Variants in RELN observed in about 807,000 individuals in gnomAD.
RELN encodes the protein reelin.
Under a neutral mutation model 427.6 loss-of-function variants are expected in RELN, and 108 were observed. That is an observed-to-expected ratio of 0.25 (90% CI 0.22 to 0.30). RELN has a LOEUF of 0.30. RELN is among the 10% of genes least tolerant of loss of function. The pLI is 1.00. For synonymous variants in RELN, 1,524 were observed against 1,513.4 expected, an observed-to-expected ratio of 1.01 and a Z score of -0.16; for missense variants, 3,715 against 4,302.8, an observed-to-expected ratio of 0.86 and a Z score of 3.82.
intron 41 of RELN, 53 bp downstream of exon 41, chr7:103,551,014 G>A (rs1412151502): frequency 3.1e-5 from 45 of 1,450,812 alleles, no homozygotes; most frequent in Non-Finnish European, 4.2e-5. Context: ...GATGACTTCA[G>A]GAATAAACTG....
intron 63 of RELN, among the ~76,000 whole-genome samples, chr7:103,480,331 G>A (rs11489602): frequency 0.015 from 2,288 of 152,188 alleles, 70 homozygotes; most frequent in African/African-American, 0.053. Flanking sequence ...TATGATTGAA[G>A]GACACTCTGG....
chr7:103,949,051 G>A lies in RELN; in HGVS notation c.227-31866C>T, dbSNP rs188982491. Among the ~76,000 whole-genome samples the A allele has an allele frequency of 8.9e-3, 1,206 of 136,056 alleles. 13 individuals carry two copies. The highest frequency in any genetic ancestry group is 0.028 in the African/African-American group (954 of 33,752). The allele number at this position is 136,056 out of a possible 152,430, so 89.3% of individuals were successfully genotyped here. A position where few individuals can be genotyped will look rare whatever the true frequency, so the allele number is the denominator to read the frequency against. On this transcript the variant is annotated intron_variant, in intron 1 of 64. Transcript: ENST00000428762. ...AAAAAAAAAAAAAAAAAAAAAACCCGTATACATATATATGGGTATATATAT... is the reference window on the plus strand; with the variant it reads ...AAAAAAAAAAAAAAAAAAAAAACCCATATACATATATATGGGTATATATAT...
intron 3 of RELN, among the ~76,000 whole-genome samples, chr7:103,807,419 T>C (rs1792626741): frequency 2.0e-5 from 3 of 152,168 alleles, no homozygotes. Flanking sequence ...CAGACACTAT[T>C]TGCTGAAAGT....
chr7:103,529,800 A>G (rs1371790261), intron 46 of RELN, among the ~76,000 whole-genome samples: 1 of 152,142 alleles, frequency 6.6e-6, no homozygotes, highest in African/African-American at 2.4e-5. Flanking sequence ...GTTCGTTCGA[A>G]GGTCACTCAT....
intron 4 of RELN, among the ~76,000 whole-genome samples, chr7:103,761,917 G>A (rs1164319447): frequency 6.6e-6 from 1 of 152,164 alleles, no homozygotes; most frequent in Admixed American, 6.5e-5. Flanking sequence ...GTAACATTTA[G>A]AGGTTGGAAG....
chr7:103,703,141 G>A (rs1834128099), intron 8 of RELN, among the ~76,000 whole-genome samples: 2 of 152,146 alleles, frequency 1.3e-5, no homozygotes, highest in Non-Finnish European at 2.9e-5. Flanking sequence ...CAGAGGAACT[G>A]AGGTGGAAGG....
intron 2 of RELN, among the ~76,000 whole-genome samples, chr7:103,857,463 A>C (rs1424098402): frequency 6.6e-6 from 1 of 152,222 alleles, no homozygotes; most frequent in East Asian, 1.9e-4. Context: ...GCAGGGGTGT[A>C]ATACAACCTC....
intron 2 of RELN, among the ~76,000 whole-genome samples, chr7:103,871,138 G>C (rs1010338938): frequency 6.6e-6 from 1 of 152,080 alleles, no homozygotes; most frequent in Non-Finnish European, 1.5e-5. Flanking sequence ...TCAGGTACCA[G>C]TTGGCTAAAA....
chr7:103,816,624 T>C (rs927442918), intron 3 of RELN, among the ~76,000 whole-genome samples: 2 of 151,802 alleles, frequency 1.3e-5, no homozygotes, highest in African/African-American at 2.4e-5. Flanking sequence ...AATAATTTTA[T>C]CTAACATTGC....
At chr7:103,653,872 C>A (rs941874133) in intron 13 of RELN, among the ~76,000 whole-genome samples, 4 of 152,008 alleles carry the variant, frequency 2.6e-5, no homozygotes, top group African/African-American at 9.7e-5. Flanking sequence ...GTCTGATGGA[C>A]TGTAATTCAC....
chr7:103,521,913 G>A, intron 48 of RELN, 109 bp downstream of exon 48: 1 of 1,082,436 alleles, frequency 9.2e-7, no homozygotes, highest in Non-Finnish European at 1.4e-6. Flanking sequence ...GTACATTTAG[G>A]GTAACTAACC....
chr7:103,569,079 G>A lies in RELN; in HGVS notation c.4589-2320C>T, dbSNP rs1830824454. ...AATAGAATATGGTGGAAGTAATGGT[G>A]TGTAACTTTGGAAACAGTCATAAAA... On this transcript the variant is annotated intron_variant, in intron 31 of 64. Transcript: ENST00000428762. The surrounding 1 kb of genome is among the most constrained non-coding windows in gnomAD (Gnocchi z 4.0). 6.6e-6 allele frequency among the ~76,000 whole-genome samples: 1 copy of A among 152,214 alleles called. No homozygotes were observed. Among genetic ancestry groups the A allele is most frequent in the South Asian group, 2.1e-4 (1 of 4,830 alleles).
intron 46 of RELN, 145 bp from the exon 47 acceptor site, chr7:103,523,676 T>G: frequency 1.2e-6 from 1 of 823,262 alleles, no homozygotes; most frequent in Non-Finnish European, 1.9e-6. Flanking sequence ...ATTATTACAA[T>G]ATTCTTCTTT....
At chr7:103,897,704 G>A (rs2116609819) in intron 2 of RELN, among the ~76,000 whole-genome samples, 1 of 152,138 alleles carries the variant, frequency 6.6e-6, no homozygotes, top group Non-Finnish European at 1.5e-5. Context: ...CTAGAATTCT[G>A]CACACAGACT....
intron 2 of RELN, among the ~76,000 whole-genome samples, chr7:103,851,073 A>G (rs777864845): frequency 1.6e-4 from 25 of 152,342 alleles, no homozygotes; most frequent in Non-Finnish European, 2.6e-4. Context: ...AAATCGTGGA[A>G]CCAACCCAAA....
chr7:103,836,178 G>C (rs1311041434), intron 2 of RELN, among the ~76,000 whole-genome samples: 1 of 151,980 alleles, frequency 6.6e-6, no homozygotes, highest in Admixed American at 6.6e-5. Context: ...TGTTGGCCAG[G>C]CTGGTTTTGG....
In RELN at chr7:103,749,529, G is replaced by C. The variant is rs373035337; in HGVS notation, c.578-25C>G. ...GCTAAAAGAAAAAGGAAGTATTTAG[G>C]AAAGAAATATACTACAACAGTACAT... is the stretch of plus-strand genomic sequence containing the variant. On this transcript the variant is annotated intron_variant, in intron 5 of 64. Transcript: ENST00000428762. The C allele has an allele frequency of 5.9e-6, 9 of 1,520,320 alleles. 1 individual carries two copies. The African/African-American group carries it at 1.1e-4, about 18-fold the overall frequency. 94.2% of individuals were successfully genotyped at this position (1,520,320 alleles called of 1,614,324 possible).
At chr7:103,938,619 T>C (rs1003085072) in intron 1 of RELN, among the ~76,000 whole-genome samples, 1 of 152,242 alleles carries the variant, frequency 6.6e-6, no homozygotes, top group African/African-American at 2.4e-5. Context: ...CTAATTATGT[T>C]GTGTTTCACT....
At chr7:103,519,217 T>C in intron 49 of RELN, 106 bp downstream of exon 49, 1 of 849,080 alleles carries the variant, frequency 1.2e-6, no homozygotes, top group Non-Finnish European at 2.0e-6. Context: ...AGAGGCATCC[T>C]CTAGTGAGGC....
Sources: gnomAD v4.1 joint callset for allele counts (sites outside exome capture counted in the v4.1 genomes callset) on GRCh38, gnomAD v4.1.1 for gene constraint, Gnocchi (gnomAD v3.1) non-coding constraint, MANE v1.5 for transcripts, NCBI Gene and HGNC (gene_info 2026-07-23, HGNC 2026-07-21) for gene names.